TCF12: variants seen among roughly 807,000 people sequenced by gnomAD.
TCF12 encodes transcription factor 12, also known as DNA-binding protein HTF4.
TCF12 carries 45 observed loss-of-function variants against 86.0 expected under a neutral mutation model. The observed-to-expected ratio is 0.52, with a 90% CI of 0.41 to 0.67. TCF12 has a LOEUF of 0.67. TCF12 is among the 30% of genes least tolerant of loss of function. The pLI is 0.00. For missense variants in TCF12, 881 were observed against 859.9 expected (o/e 1.02, Z -0.31); for synonymous variants, 330 against 299.6 (o/e 1.10, Z -1.05).
intron 3 of TCF12, among the ~76,000 whole-genome samples, chr15:56,947,135 T>C (rs1342872361): frequency 6.6e-6 from 1 of 152,212 alleles, no homozygotes; most frequent in African/African-American, 2.4e-5. Flanking sequence ...TTTAGCTCTA[T>C]TGCTAAGCAT....
intron 3 of TCF12, among the ~76,000 whole-genome samples, chr15:56,987,185 C>T (rs1378469432): frequency 2.6e-5 from 4 of 151,940 alleles, no homozygotes; most frequent in Non-Finnish European, 4.4e-5. Context: ...AATCTGGGCT[C>T]ACTGCAACCT....
At chr15:56,924,976 A>C (rs1457073569) in intron 3 of TCF12, among the ~76,000 whole-genome samples, 1 of 152,180 alleles carries the variant, frequency 6.6e-6, no homozygotes, top group African/African-American at 2.4e-5. Context: ...AGGTGGGTGG[A>C]TCACATGAGG....
chr15:57,277,627 CAA>C (rs572510620), intron 19 of TCF12, among the ~76,000 whole-genome samples: 21 of 74,882 alleles, frequency 2.8e-4, no homozygotes, highest in South Asian at 4.5e-4. Flanking sequence ...GACTCCATCT[CAA>C]AAAAAAAAAA....
At chr15:57,142,749 C>G (rs1235062458) in intron 5 of TCF12, among the ~76,000 whole-genome samples, 4 of 152,162 alleles carry the variant, frequency 2.6e-5, no homozygotes, top group Non-Finnish European at 4.4e-5. Flanking sequence ...GTGGTCGATT[C>G]ACCATCAATA....
intron 3 of TCF12, among the ~76,000 whole-genome samples, chr15:57,017,253 T>C (rs2065205207): frequency 6.6e-6 from 1 of 152,112 alleles, no homozygotes; most frequent in South Asian, 2.1e-4. Flanking sequence ...GAGAAGTAAA[T>C]AAAAATTTCA....
At chr15:57,173,284 T>C (rs113736281) in intron 6 of TCF12, among the ~76,000 whole-genome samples, 1 of 152,306 alleles carries the variant, frequency 6.6e-6, no homozygotes, top group Middle Eastern at 3.4e-3. Flanking sequence ...AGTATACTTT[T>C]GAAAGCTTGT....
At chr15:56,973,292 A>G (rs1260194107) in intron 3 of TCF12, among the ~76,000 whole-genome samples, 1 of 152,106 alleles carries the variant, frequency 6.6e-6, no homozygotes, top group African/African-American at 2.4e-5. Context: ...ATTTATTTCC[A>G]AGCTGTATCT....
At chr15:57,098,872 C>G (rs1317261998) in intron 5 of TCF12, among the ~76,000 whole-genome samples, 1 of 152,188 alleles carries the variant, frequency 6.6e-6, no homozygotes, top group Non-Finnish European at 1.5e-5. Flanking sequence ...CTCCCTCTTT[C>G]ACCTTGCAAA....
chr15:57,240,829 A>G (rs1049877775), intron 12 of TCF12, among the ~76,000 whole-genome samples: 1 of 132,396 alleles, frequency 7.6e-6, no homozygotes, highest in Admixed American at 9.4e-5. Flanking sequence ...GCAGTGAGCC[A>G]TGATTGCACC....
At chr15:57,232,992 T>G (rs1334134916) in intron 11 of TCF12, 136 bp downstream of exon 11, 1 of 491,172 alleles carries the variant, frequency 2.0e-6, no homozygotes, top group Non-Finnish European at 2.9e-6. Context: ...TGTATATGTG[T>G]GTTATATGTA....
intron 5 of TCF12, among the ~76,000 whole-genome samples, chr15:57,148,593 C>T (rs964096739): frequency 2.7e-5 from 4 of 150,780 alleles, no homozygotes; most frequent in African/African-American, 7.3e-5. Flanking sequence ...TCAAAAAATG[C>T]TCAAATGGCC....
At chr15:57,157,142 G>C (rs1184089266) in intron 5 of TCF12, among the ~76,000 whole-genome samples, 1 of 152,132 alleles carries the variant, frequency 6.6e-6, no homozygotes, top group African/African-American at 2.4e-5. Flanking sequence ...GGCATTGAAT[G>C]ATTATCTCAG....
At chr15:56,977,693 T>A (rs2062682714) in intron 3 of TCF12, among the ~76,000 whole-genome samples, 1 of 152,136 alleles carries the variant, frequency 6.6e-6, no homozygotes, top group South Asian at 2.1e-4. Context: ...TTTGTAAAAT[T>A]CAACAAAAGG....
chr15:56,997,550 T>G (rs548796690), intron 3 of TCF12, among the ~76,000 whole-genome samples: 43 of 152,258 alleles, frequency 2.8e-4, no homozygotes, highest in Non-Finnish European at 5.4e-4. Context: ...AGGGATTCAT[T>G]TGTCCTCCAG....
At chr15:56,998,452 T>A (rs1447604227) in intron 3 of TCF12, among the ~76,000 whole-genome samples, 1 of 106,612 alleles carries the variant, frequency 9.4e-6, no homozygotes, top group Non-Finnish European at 2.0e-5. Flanking sequence ...GGTGAAACTC[T>A]GTCTCAAAAA....
intron 3 of TCF12, among the ~76,000 whole-genome samples, chr15:56,956,441 T>C (rs1456830923): frequency 3.3e-5 from 5 of 152,106 alleles, no homozygotes; most frequent in Admixed American, 1.3e-4. Context: ...TCAGGTGATA[T>C]TATGTCATTT....
intron 3 of TCF12, among the ~76,000 whole-genome samples, chr15:56,968,304 A>G (rs1431840808): frequency 6.6e-6 from 1 of 152,068 alleles, no homozygotes; most frequent in Non-Finnish European, 1.5e-5. Flanking sequence ...TTCATAAGAA[A>G]AAGTTGAAAA....
chr15:57,041,277 T>A (rs1430940365), intron 3 of TCF12, among the ~76,000 whole-genome samples: 2 of 152,234 alleles, frequency 1.3e-5, no homozygotes, highest in African/African-American at 4.8e-5. Context: ...ATTACTCAGC[T>A]TTTAGTACGT....
chr15:57,107,643 T>C (rs1702068910), intron 5 of TCF12, among the ~76,000 whole-genome samples: 1 of 152,082 alleles, frequency 6.6e-6, no homozygotes, highest in Non-Finnish European at 1.5e-5. Context: ...CCCAGCACAT[T>C]CAGAGGCCAG....
Sources: gnomAD v4.1 joint callset for allele counts (sites outside exome capture counted in the v4.1 genomes callset) on GRCh38, gnomAD v4.1.1 for gene constraint, MANE v1.5 for transcripts, NCBI Gene and HGNC (gene_info 2026-07-23, HGNC 2026-07-21) for gene names.